The following FSTL4 variants were observed in gnomAD, a reference collection of about 807,000 sequenced individuals.
FSTL4 encodes follistatin-related protein 4.
FSTL4 carries 28 observed loss-of-function variants against 78.2 expected under a neutral mutation model. That is an observed-to-expected ratio of 0.36 (90% confidence interval 0.27 to 0.49). The LOEUF is 0.49. Among genes scored for constraint, FSTL4 ranks in the 20% least tolerant of loss-of-function variants. FSTL4 has a pLI of 0.98. For missense variants in FSTL4, 922 were observed against 1,084.9 expected, an observed-to-expected ratio of 0.85 and a Z score of 2.11; for synonymous variants, 422 against 440.5, an observed-to-expected ratio of 0.96 and a Z score of 0.53.
intron 2 of FSTL4, among the ~76,000 whole-genome samples, chr5:133,574,324 T>G (rs1477349807): frequency 6.6e-6 from 1 of 152,164 alleles, no homozygotes; most frequent in African/African-American, 2.4e-5. Flanking sequence ...TTTACAAGGA[T>G]ATGAAGGAAC....
the FSTL4 span, among the ~76,000 whole-genome samples, chr5:133,740,107 GT>G: frequency 3.3e-5 from 5 of 152,042 alleles, no homozygotes; most frequent in African/African-American, 9.7e-5. Flanking sequence ...GGTCTCAAGA[GT>G]CGTGCACTCA....
rs894680151 is a variant in FSTL4, at chr5:133,198,023, A to C, written c.*1072T>G. 2.6e-5 allele frequency: 4 copies of C among 152,758 alleles called. No individual in the cohort carries two copies. The highest frequency in any genetic ancestry group is 9.7e-5 in the African/African-American group (4 of 41,426). The allele number at this position is 152,758 out of a possible 1,614,324, so 9.5% of individuals were successfully genotyped here. A position where few individuals can be genotyped will look rare whatever the true frequency, so the allele number is the denominator to read the frequency against. ...CTGATGCGGGGATGGGGTACCAGAGAGGAGTGGATGGGCCACAGGTAGGAA... is the reference window on the plus strand; with the variant it reads ...CTGATGCGGGGATGGGGTACCAGAGCGGAGTGGATGGGCCACAGGTAGGAA... On this transcript the variant is annotated 3_prime_UTR_variant, in exon 16 of 16. Transcript: ENST00000265342.
At chr5:133,486,948 T>C (rs945474395) in intron 3 of FSTL4, among the ~76,000 whole-genome samples, 17 of 152,316 alleles carry the variant, frequency 1.1e-4, no homozygotes, top group African/African-American at 3.8e-4. Context: ...GGGTCCCACC[T>C]GACATGTGAC....
At chr5:133,710,636 C>T in the FSTL4 span, among the ~76,000 whole-genome samples, 5 of 152,238 alleles carry the variant, frequency 3.3e-5, no homozygotes, top group South Asian at 4.1e-4. Context: ...GCCCTTGGCC[C>T]CAGCCTGGCC....
chr5:133,310,227 G>C (rs888989350), intron 6 of FSTL4, among the ~76,000 whole-genome samples: 2 of 152,132 alleles, frequency 1.3e-5, no homozygotes, highest in Non-Finnish European at 2.9e-5. Flanking sequence ...TCTATTATTT[G>C]GGCTGGGCTG....
the FSTL4 span, among the ~76,000 whole-genome samples, chr5:133,768,355 G>A: frequency 6.6e-6 from 1 of 152,228 alleles, no homozygotes; most frequent in Non-Finnish European, 1.5e-5. Context: ...AACCCAGTGT[G>A]CCTGTGCAGC....
intron 14 of FSTL4, among the ~76,000 whole-genome samples, chr5:133,204,997 CTTTTT>C (rs200410608): frequency 6.7e-6 from 1 of 150,008 alleles, no homozygotes; most frequent in Non-Finnish European, 1.5e-5. Context: ...TGATTTCATA[CTTTTT>C]TTTTGTGATA....
chr5:133,695,963 C>T, the FSTL4 span, among the ~76,000 whole-genome samples: 7 of 152,222 alleles, frequency 4.6e-5, no homozygotes, highest in African/African-American at 1.7e-4. Context: ...CTCCCTCATT[C>T]CTTCTGTTCT....
intron 3 of FSTL4, among the ~76,000 whole-genome samples, chr5:133,513,255 T>C (rs1758773950): frequency 6.6e-6 from 1 of 152,246 alleles, no homozygotes; most frequent in African/African-American, 2.4e-5. Context: ...GGTATACTTA[T>C]ATTCACATCA....
the FSTL4 span, among the ~76,000 whole-genome samples, chr5:133,754,239 A>T: frequency 6.6e-6 from 1 of 152,238 alleles, no homozygotes; most frequent in Non-Finnish European, 1.5e-5. Flanking sequence ...AAGAAAATAA[A>T]TACAAACTAT....
At chr5:133,726,114 A>G in the FSTL4 span, among the ~76,000 whole-genome samples, 1 of 152,184 alleles carries the variant, frequency 6.6e-6, no homozygotes, top group East Asian at 1.9e-4. Flanking sequence ...CATGGCTGAT[A>G]GCATCTCCTC....
chr5:133,664,447 G>T, the FSTL4 span, among the ~76,000 whole-genome samples: 1 of 152,092 alleles, frequency 6.6e-6, no homozygotes, highest in East Asian at 1.9e-4. Context: ...CGCTTTTACT[G>T]CTCATCTTCC....
At chr5:133,476,808 G>A (rs1275692880) in intron 3 of FSTL4, among the ~76,000 whole-genome samples, 6 of 152,118 alleles carry the variant, frequency 3.9e-5, no homozygotes, top group African/African-American at 1.2e-4. Flanking sequence ...CACTGACCCC[G>A]AGTCAGTGAG....
At chr5:133,601,694 T>A (rs1337962143) in intron 2 of FSTL4, among the ~76,000 whole-genome samples, 1 of 148,724 alleles carries the variant, frequency 6.7e-6, no homozygotes, top group Admixed American at 6.6e-5. Flanking sequence ...TTCTTTTTTT[T>A]TTTTCTCAGA....
intron 4 of FSTL4, chr5:133,388,642 A>T (rs1755764877): frequency 6.9e-6 from 1 of 145,670 alleles, no homozygotes; most frequent in African/African-American, 2.5e-5. Flanking sequence ...AGATCACTTT[A>T]ATTTTTTTTT....
At chr5:133,785,419 G>T in the FSTL4 span, among the ~76,000 whole-genome samples, 1 of 152,128 alleles carries the variant, frequency 6.6e-6, no homozygotes. Flanking sequence ...CCCCCATCAG[G>T]CTCCAGGGAA....
intron 6 of FSTL4, among the ~76,000 whole-genome samples, chr5:133,288,786 G>A (rs1753192971): frequency 6.6e-6 from 1 of 152,190 alleles, no homozygotes; most frequent in African/African-American, 2.4e-5. Flanking sequence ...CCCCTGTCAG[G>A]ACAGCTGGAC....
intron 5 of FSTL4, 121 bp downstream of exon 5, chr5:133,316,338 T>G: frequency 1.4e-6 from 1 of 719,124 alleles, no homozygotes; most frequent in Non-Finnish European, 2.3e-6. Context: ...CCTGACCTCA[T>G]TTTGTTTGTG....
At chr5:133,210,469 CATTATT>C (rs72224529) in intron 13 of FSTL4, among the ~76,000 whole-genome samples, 171 bp from the exon 14 acceptor site, 9,650 of 145,416 alleles carry the variant, frequency 0.066, 793 homozygotes, top group African/African-American at 0.2. Flanking sequence ...TTCTCAGAGG[CATTATT>C]ATTATTATTA....
Sources: gnomAD v4.1 joint callset for allele counts (sites outside exome capture counted in the v4.1 genomes callset) on GRCh38, gnomAD v4.1.1 for gene constraint, MANE v1.5 for transcripts, NCBI Gene and HGNC (gene_info 2026-07-23, HGNC 2026-07-21) for gene names.